RAC1: variants seen among roughly 807,000 people sequenced by gnomAD.
RAC1 encodes Rac family small GTPase 1.
RAC1 carries 2 observed loss-of-function variants against 25.2 expected under a neutral mutation model. That is an observed-to-expected ratio of 0.08 (90% CI 0.03 to 0.25). The LOEUF (loss-of-function observed/expected upper bound fraction) is 0.25. Among genes scored for constraint, RAC1 ranks in the 10% least tolerant of loss-of-function variants. The pLI is 1.00. For missense variants in RAC1, 50 were observed against 235.7 expected (o/e 0.21, Z 5.16); for synonymous variants, 88 against 94.0 (o/e 0.94, Z 0.37).
At chr7:6,375,184 G>T (rs1782545889) in intron 1 of RAC1, among the ~76,000 whole-genome samples, 1 of 152,034 alleles carries the variant, frequency 6.6e-6, no homozygotes, top group Non-Finnish European at 1.5e-5. Flanking sequence ...TTGGGAACGC[G>T]GCGGTCAAGT....
intron 1 of RAC1, among the ~76,000 whole-genome samples, chr7:6,386,369 C>A (rs1249049030): frequency 6.6e-6 from 1 of 152,148 alleles, no homozygotes; most frequent in Non-Finnish European, 1.5e-5. Context: ...AGAGAACAGT[C>A]ATTGCTGATT....
intron 3 of RAC1, chr7:6,398,737 C>A (rs1583269758): frequency 6.2e-7 from 1 of 1,609,850 alleles, no homozygotes; most frequent in East Asian, 2.2e-5. Flanking sequence ...AACTTTCAGT[C>A]CACTTCAGTT....
At chr7:6,398,106 A>T (rs935351605) in intron 3 of RAC1, among the ~76,000 whole-genome samples, 1 of 152,222 alleles carries the variant, frequency 6.6e-6, no homozygotes, top group African/African-American at 2.4e-5. Flanking sequence ...CATTCAAACC[A>T]GTCTCCCAGA....
chr7:6,389,700 T>C (rs35130552), intron 2 of RAC1, among the ~76,000 whole-genome samples: 5,399 of 151,900 alleles, frequency 0.036, 129 homozygotes, highest in South Asian at 0.1. Flanking sequence ...AAAAAAAATA[T>C]GTGTTTTTGT....
rs1394155457 is a variant in RAC1 at position 6,401,924 on chromosome 7, T to C, written c.345T>C (p.Thr115=). 2 of 1,614,104 alleles carry C rather than the reference T, an allele frequency of 1.2e-6. No homozygotes were observed. The highest frequency in any genetic ancestry group is 8.5e-7 in the Non-Finnish European group (1 of 1,179,966). ...ACACTCCCATCATCCTAGTGGGAAC[T>C]AAACTTGATCTTAGGGATGATAAAG... is the stretch of plus-strand genomic sequence containing the variant. ...CPNTPIILVG[T]KLDLRDDKDT... The change falls in exon 5 of 6, where the codon ACT becomes ACC. Residue 115 remains threonine (T), a synonymous_variant. Transcript: ENST00000348035.
At chr7:6,388,714 T>G (rs1583263578) in intron 2 of RAC1, among the ~76,000 whole-genome samples, 1 of 152,122 alleles carries the variant, frequency 6.6e-6, no homozygotes, top group African/African-American at 2.4e-5. Context: ...TATCTACATA[T>G]GTAGATAAAG....
At chr7:6,384,284 T>C (rs964753823) in intron 1 of RAC1, among the ~76,000 whole-genome samples, 1 of 152,148 alleles carries the variant, frequency 6.6e-6, no homozygotes, top group Non-Finnish European at 1.5e-5. Flanking sequence ...GCTCCTGGAC[T>C]GTAGCAACAG....
At chr7:6,383,281 A>G (rs922266522) in intron 1 of RAC1, among the ~76,000 whole-genome samples, 5 of 152,250 alleles carry the variant, frequency 3.3e-5, no homozygotes, top group African/African-American at 1.2e-4. Context: ...GTGGAAGCGC[A>G]GCGTGGACAA....
rs1491572747 is a variant in RAC1, at chr7:6,402,537, A to AAC, written c.*91_*92insAC. ...CAAAAAAAAAAAACAAAAAAAAAAA[A>AAC]CAACGGTGGAGCCTTCGCACTCAAT... On this transcript the variant is annotated 3_prime_UTR_variant, in exon 6 of 6. Coordinates refer to ENST00000348035, the MANE Select transcript of RAC1 (RefSeq NM_006908.5). 8.6e-7 allele frequency: 1 copy of AAC among 1,158,510 alleles called. No individual in the cohort carries two copies. Among genetic ancestry groups the AAC allele is most frequent in the African/African-American group, 1.8e-5 (1 of 56,954 alleles). The allele number at this position is 1,158,510 out of a possible 1,614,324, so 71.8% of individuals were successfully genotyped here.
At chr7:6,383,962 A>C (rs944998651) in intron 1 of RAC1, among the ~76,000 whole-genome samples, 1 of 150,920 alleles carries the variant, frequency 6.6e-6, no homozygotes, top group African/African-American at 2.4e-5. Flanking sequence ...ACGCCCGGCT[A>C]ATTTTGTATT....
At chr7:6,392,921 A>G (rs1481145484) in intron 3 of RAC1, among the ~76,000 whole-genome samples, 1 of 152,156 alleles carries the variant, frequency 6.6e-6, no homozygotes, top group Non-Finnish European at 1.5e-5. Context: ...ACGCACGCAT[A>G]ACAGTCCTGG....
intron 3 of RAC1, among the ~76,000 whole-genome samples, chr7:6,395,062 G>A (rs778967258): frequency 2.0e-5 from 3 of 152,134 alleles, no homozygotes; most frequent in Admixed American, 6.6e-5. Flanking sequence ...CACCATGTTA[G>A]CCAGGATGGT....
chr7:6,376,577 C>A (rs1782606054), intron 1 of RAC1, among the ~76,000 whole-genome samples: 2 of 149,502 alleles, frequency 1.3e-5, no homozygotes, highest in Admixed American at 1.3e-4. Context: ...ATCTCTGCTC[C>A]TGCAACCTCT....
chr7:6,396,853 A>G (rs1235315392), intron 3 of RAC1, among the ~76,000 whole-genome samples: 2 of 151,818 alleles, frequency 1.3e-5, no homozygotes, highest in Admixed American at 1.3e-4. Context: ...ACACGTTGAA[A>G]CCTCGTCTCT....
chr7:6,385,457 G>A (rs1331613764), intron 1 of RAC1, among the ~76,000 whole-genome samples: 1 of 152,162 alleles, frequency 6.6e-6, no homozygotes. Context: ...AATTGGCCCT[G>A]GGTCTCAAAT....
chr7:6,392,661 A>G (rs1783120802), intron 3 of RAC1, among the ~76,000 whole-genome samples: 2 of 152,180 alleles, frequency 1.3e-5, no homozygotes, highest in African/African-American at 2.4e-5. Context: ...GAAAATGGGT[A>G]CTTAGAAGAC....
chr7:6,391,361 T>C (rs1583265329), intron 2 of RAC1: 1 of 153,250 alleles, frequency 6.5e-6, no homozygotes, highest in South Asian at 2.0e-4. Context: ...GGGTTATCTC[T>C]CCTGACTAAT....
chr7:6,396,560 G>T lies in RAC1; in HGVS notation c.226-3566G>T, dbSNP rs551668978. On this transcript the variant is annotated intron_variant, in intron 3 of 5. Coordinates refer to ENST00000348035, the MANE Select transcript of RAC1 (RefSeq NM_006908.5). ...TCTTAAAAATCGAAAGCATGCCACA[G>T]ATACGATCAGAGGCTCTTTGGAAGC... 1.7e-3 allele frequency among the ~76,000 whole-genome samples: 257 copies of T among 152,286 alleles called. 1 individual carries two copies. Among genetic ancestry groups the T allele is most frequent in the African/African-American group, 5.8e-3 (242 of 41,548 alleles).
At chr7:6,400,581 C>T (rs1434737805) in intron 4 of RAC1, among the ~76,000 whole-genome samples, 1 of 152,208 alleles carries the variant, frequency 6.6e-6, no homozygotes, top group African/African-American at 2.4e-5. Flanking sequence ...CAGCTTCAGC[C>T]TCCCAAAGTG....
Sources: gnomAD v4.1 joint callset for allele counts (sites outside exome capture counted in the v4.1 genomes callset) on GRCh38, gnomAD v4.1.1 for gene constraint, MANE v1.5 for transcripts, NCBI Gene and HGNC (gene_info 2026-07-23, HGNC 2026-07-21) for gene names.